The following RBFOX1 variants were observed in gnomAD, a reference collection of about 807,000 sequenced individuals.
RBFOX1 encodes the protein RNA binding protein fox-1 homolog 1.
In RBFOX1, 8 loss-of-function variants were observed where a neutral mutation model predicts 57.7. That is an observed-to-expected ratio of 0.14 (90% CI 0.08 to 0.25). The LOEUF (loss-of-function observed/expected upper bound fraction) is 0.25. RBFOX1 is among the 10% of genes least tolerant of loss of function. RBFOX1 has a pLI of 1.00. For synonymous variants in RBFOX1, 326 were observed against 222.4 expected (o/e 1.47, Z -4.15); for missense variants, 611 against 548.5 (o/e 1.11, Z -1.14).
At chr16:7,647,866 C>G (rs1429568112) in intron 11 of RBFOX1, among the ~76,000 whole-genome samples, 1 of 152,158 alleles carries the variant, frequency 6.6e-6, no homozygotes, top group Non-Finnish European at 1.5e-5. Context: ...GATGACATAA[C>G]TCTCACTCAA....
At chr16:7,044,468 G>C (rs558447719) in intron 3 of RBFOX1, among the ~76,000 whole-genome samples, 1 of 152,296 alleles carries the variant, frequency 6.6e-6, no homozygotes, top group East Asian at 1.9e-4. Context: ...GATAGGAGAC[G>C]GGGAAGATGA....
At chr16:6,866,827 C>T (rs974005125) in intron 3 of RBFOX1, among the ~76,000 whole-genome samples, 1 of 151,956 alleles carries the variant, frequency 6.6e-6, no homozygotes, top group African/African-American at 2.4e-5. Context: ...CAGGCAGGAG[C>T]CACCGCGCCC....
intron 3 of RBFOX1, among the ~76,000 whole-genome samples, chr16:6,891,118 T>A (rs1220467128): frequency 6.6e-6 from 1 of 152,198 alleles, no homozygotes; most frequent in Non-Finnish European, 1.5e-5. Flanking sequence ...CATTCATTCA[T>A]TAGTGACTTT....
chr16:6,417,746 G>T (rs1209991903), intron 2 of RBFOX1, among the ~76,000 whole-genome samples: 3 of 145,796 alleles, frequency 2.1e-5, no homozygotes, highest in African/African-American at 7.7e-5. Context: ...ATAAGTGCAG[G>T]TTTGTTGCAT....
chr16:7,554,261 T>C (rs2087571060), intron 5 of RBFOX1, among the ~76,000 whole-genome samples: 1 of 152,208 alleles, frequency 6.6e-6, no homozygotes, highest in Non-Finnish European at 1.5e-5. Context: ...CAGAAATATT[T>C]AGTCATAGCA....
chr16:5,518,499 A>G (rs1332267207), intron 2 of RBFOX1, among the ~76,000 whole-genome samples: 1 of 152,244 alleles, frequency 6.6e-6, no homozygotes, highest in Non-Finnish European at 1.5e-5. Context: ...AGCATGCTGA[A>G]GGACAAACTA....
At chr16:5,943,863 A>T (rs1052425690) in intron 4 of RBFOX1, among the ~76,000 whole-genome samples, 12 of 151,602 alleles carry the variant, frequency 7.9e-5, no homozygotes, top group African/African-American at 2.2e-4. Flanking sequence ...TCATCCACTC[A>T]TCCATTAATC....
chr16:7,527,426 A>G (rs774225504), intron 5 of RBFOX1, among the ~76,000 whole-genome samples: 3 of 152,152 alleles, frequency 2.0e-5, no homozygotes, highest in Non-Finnish European at 4.4e-5. Flanking sequence ...CAGGAACAGG[A>G]TATCTCTGAG....
intron 1 of RBFOX1, among the ~76,000 whole-genome samples, chr16:6,282,846 G>C (rs944911604): frequency 6.6e-6 from 1 of 152,140 alleles, no homozygotes; most frequent in Non-Finnish European, 1.5e-5. Flanking sequence ...ATAATTTCTT[G>C]AGCATTTGTT....
intron 4 of RBFOX1, among the ~76,000 whole-genome samples, chr16:7,395,044 C>T (rs908410495): frequency 2.0e-5 from 3 of 152,054 alleles, no homozygotes; most frequent in Non-Finnish European, 2.9e-5. Flanking sequence ...ATAAGTTTGC[C>T]GCAGACTAGG....
At chr16:7,426,202 G>C (rs565673761) in intron 4 of RBFOX1, among the ~76,000 whole-genome samples, 6 of 151,788 alleles carry the variant, frequency 4.0e-5, no homozygotes. Context: ...AGCTCTTAAA[G>C]AAGTGATTAC....
intron 4 of RBFOX1, among the ~76,000 whole-genome samples, chr16:7,300,023 G>C (rs2095994115): frequency 6.6e-6 from 1 of 152,196 alleles, no homozygotes; most frequent in African/African-American, 2.4e-5. Context: ...CGGGATGCAA[G>C]AGGGGCTTTC....
rs71147700 is a variant in RBFOX1 at position 7,448,927 on chromosome 16, G to GTTTTTTTTTTTTTT, written c.28-69214_28-69201dup. 2.9e-4 allele frequency among the ~76,000 whole-genome samples: 24 copies of GTTTTTTTTTTTTTT among 82,974 alleles called. 6 individuals carry two copies. The highest frequency in any genetic ancestry group is 7.5e-4 in the Admixed American group (4 of 5,324). 54.4% of individuals were successfully genotyped at this position (82,974 alleles called of 152,430 possible). ...CTTGGTAGACATTTTTCTTTCCCCT[G>GTTTTTTTTTTTTTT]TTTTTTTTTTTTTTTTTTTGAGATG... On this transcript the variant is annotated intron_variant, in intron 4 of 15. Coordinates refer to ENST00000550418, the MANE Select transcript of RBFOX1 (RefSeq NM_018723.4).
chr16:5,800,058 T>A (rs2055009215), intron 3 of RBFOX1, among the ~76,000 whole-genome samples: 1 of 152,036 alleles, frequency 6.6e-6, no homozygotes, highest in African/African-American at 2.4e-5. Context: ...TATATATGTA[T>A]AAGTATATAC....
intron 4 of RBFOX1, among the ~76,000 whole-genome samples, chr16:6,006,606 AC>A (rs1438422368): frequency 3.3e-5 from 5 of 152,070 alleles, no homozygotes; most frequent in African/African-American, 1.2e-4. Context: ...TAATTATTAC[AC>A]CTGTGTGTCC....
At chr16:7,317,862 G>C (rs1164880444) in intron 4 of RBFOX1, among the ~76,000 whole-genome samples, 1 of 152,214 alleles carries the variant, frequency 6.6e-6, no homozygotes. Context: ...ACATAGCATT[G>C]TTAGGAGTAT....
intron 2 of RBFOX1, among the ~76,000 whole-genome samples, chr16:5,517,844 G>A (rs1002686234): frequency 3.1e-5 from 4 of 128,158 alleles, no homozygotes; most frequent in Admixed American, 8.5e-5. Context: ...TTACATATAT[G>A]TATACACACA....
chr16:6,189,222 A>G (rs1451301924), intron 1 of RBFOX1, among the ~76,000 whole-genome samples: 1 of 152,372 alleles, frequency 6.6e-6, no homozygotes, highest in East Asian at 1.9e-4. Flanking sequence ...AACATCAAAC[A>G]TAACAAGCAT....
chr16:6,917,309 T>A (rs1007884343), intron 3 of RBFOX1, among the ~76,000 whole-genome samples: 3 of 152,238 alleles, frequency 2.0e-5, no homozygotes, highest in Non-Finnish European at 4.4e-5. Flanking sequence ...GAACAGAGGA[T>A]GTCACAGTTA....
Sources: allele counts gnomAD v4.1 joint callset (sites outside exome capture counted in the v4.1 genomes callset), GRCh38; gene constraint gnomAD v4.1.1; transcripts MANE v1.5; gene names NCBI Gene and HGNC (gene_info 2026-07-23, HGNC 2026-07-21).